ESF1: variants seen among roughly 807,000 people sequenced by gnomAD.
ESF1 encodes the protein ESF1 homolog.
Under a neutral mutation model 92.0 loss-of-function variants are expected in ESF1, and 58 were observed. The observed-to-expected ratio is 0.63, with a 90% confidence interval of 0.51 to 0.78. ESF1 has a LOEUF of 0.78. Among genes scored for constraint, ESF1 ranks in the 30% least tolerant of loss-of-function variants. The probability of loss-of-function intolerance (pLI) is 0.00; values close to 1 mark genes in which losing one functional copy is unlikely to be tolerated. For missense variants in ESF1, 922 were observed against 989.1 expected, an observed-to-expected ratio of 0.93 and a Z score of 0.91; for synonymous variants, 321 against 313.7, an observed-to-expected ratio of 1.02 and a Z score of -0.24.
rs2050012801 is a variant in ESF1, at chr20:13,741,410, T to C, written c.1829-7568A>G. The stretch of plus-strand genomic sequence containing the variant: ...GGCTAGATGTGGTGGTCGTTAATGT[T>C]CTTCATCCAGTTTTCTGAAGTGTGG... On this transcript the variant is annotated intron_variant, in intron 9 of 13. Coordinates refer to ENST00000617257, the MANE Select transcript of ESF1 (RefSeq NM_001276380.2). 2.6e-5 allele frequency among the ~76,000 whole-genome samples: 4 copies of C among 152,178 alleles called. No homozygotes were observed. In the South Asian group the frequency reaches 8.3e-4, roughly 31 times the overall value.
intron 9 of ESF1, among the ~76,000 whole-genome samples, chr20:13,751,277 C>G (rs1049444668): frequency 6.6e-6 from 1 of 152,172 alleles, no homozygotes; most frequent in Non-Finnish European, 1.5e-5. Flanking sequence ...AATAGAATAG[C>G]GAAAGTTTTG....
At chr20:13,759,612 T>C in intron 9 of ESF1, 80 bp downstream of exon 9, 1 of 1,514,696 alleles carries the variant, frequency 6.6e-7, no homozygotes, top group Non-Finnish European at 8.7e-7. Context: ...CACCAAAACA[T>C]TTCCGGCTCC....
intron 4 of ESF1, among the ~76,000 whole-genome samples, chr20:13,774,671 A>G (rs1444370234): frequency 6.6e-6 from 1 of 152,242 alleles, no homozygotes; most frequent in Non-Finnish European, 1.5e-5. Context: ...CAATAATGCA[A>G]AGCCTGGATT....
At chr20:13,777,415 T>C (rs2209993) in intron 2 of ESF1, among the ~76,000 whole-genome samples, 102,609 of 151,838 alleles carry the variant, frequency 0.68, 34,892 homozygotes, top group East Asian at 0.89. Flanking sequence ...AAATCATGAG[T>C]TCAGTTTTGA....
intron 9 of ESF1, among the ~76,000 whole-genome samples, chr20:13,751,154 C>T (rs1259807254): frequency 2.0e-5 from 3 of 152,120 alleles, no homozygotes; most frequent in Non-Finnish European, 2.9e-5. Flanking sequence ...CTGATGAAAG[C>T]AAGTAGTATG....
chr20:13,782,889 T>G lies in ESF1; in HGVS notation c.252A>C (p.Glu84Asp). The change falls in exon 2 of 14, where the codon GAA (glutamate) becomes GAC (aspartate). Residue 84 changes from glutamate to aspartate, a missense_variant. Glu to Asp is a conservative substitution (Grantham distance 45). Coordinates refer to ENST00000617257, the MANE Select transcript of ESF1 (RefSeq NM_001276380.2). The stretch of plus-strand genomic sequence containing the variant: ...TCTTTTGACTCAATGCTTTGCTATC[T>G]TCACCAGAGAGATTGGAATCAGAAT... Reference protein sequence around the residue: ...LSDSDSNLSGEDSKALSQKKI... With the variant: ...LSDSDSNLSGDDSKALSQKKI... The G allele has an allele frequency of 1.2e-6, 2 of 1,614,056 alleles. No individual in the cohort carries two copies. Among genetic ancestry groups the G allele is most frequent in the Non-Finnish European group, 1.7e-6 (2 of 1,180,030 alleles).
intron 9 of ESF1, among the ~76,000 whole-genome samples, chr20:13,756,278 C>A (rs1978890811): frequency 1.3e-5 from 2 of 152,174 alleles, no homozygotes; most frequent in African/African-American, 4.8e-5. Flanking sequence ...TGCATGCGTG[C>A]ATGTACATAA....
chr20:13,743,963 C>A (rs2050031747), intron 9 of ESF1, among the ~76,000 whole-genome samples: 1 of 152,120 alleles, frequency 6.6e-6, no homozygotes, highest in Non-Finnish European at 1.5e-5. Flanking sequence ...ATACTGAAAT[C>A]TGGATAATGG....
Position 13,775,142 on chromosome 20 carries a change from G to T in ESF1, c.1149+15C>A. On this transcript the variant is annotated intron_variant, in intron 4 of 13. Coordinates refer to ENST00000617257, the MANE Select transcript of ESF1 (RefSeq NM_001276380.2). ...TGCCTAGAAATATTTATTTCAAAAT[G>T]AAATCAATTCTCACCTTGACGGAAA... is the stretch of plus-strand genomic sequence containing the variant. 3.8e-5 allele frequency: 51 copies of T among 1,349,858 alleles called. No individual in the cohort carries two copies. Among genetic ancestry groups the T allele is most frequent in the Middle Eastern group, 1.9e-4 (1 of 5,142 alleles). 83.6% of individuals were successfully genotyped at this position (1,349,858 alleles called of 1,614,324 possible).
rs1038789047 is a variant in ESF1, at chr20:13,766,833, T to A, written c.1610A>T (p.Gln537Leu). Residue 537 changes from glutamine (Q) to leucine (L), a missense_variant, in exon 8 of 14, where the codon CAA becomes CTA. Transcript: ENST00000617257. The stretch of plus-strand genomic sequence containing the variant: ...TTCACTAGAGGAAGCTAAGTAGGCT[T>A]GAAAATCCATGTCCAAAAGCTCTTC... Reference protein sequence around the residue: ...KKEELLDMDFQAYLASSSEDE... With the variant: ...KKEELLDMDFLAYLASSSEDE... 6.2e-7 allele frequency: 1 copy of A among 1,613,778 alleles called. No homozygotes were observed. The highest frequency in any genetic ancestry group is 8.5e-7 in the Non-Finnish European group (1 of 1,179,930).
At chr20:13,773,643 C>T (rs540154320) in intron 4 of ESF1, among the ~76,000 whole-genome samples, 3 of 152,126 alleles carry the variant, frequency 2.0e-5, no homozygotes, top group Admixed American at 2.0e-4. Flanking sequence ...TCTGTTCTAC[C>T]AATTTGTCCC....
intron 9 of ESF1, among the ~76,000 whole-genome samples, chr20:13,758,332 C>T (rs573522146): frequency 3.3e-5 from 5 of 152,282 alleles, no homozygotes; most frequent in African/African-American, 1.2e-4. Flanking sequence ...AACCACTTGT[C>T]ATATGATACA....
chr20:13,767,883 C>A, intron 7 of ESF1, among the ~76,000 whole-genome samples: 1 of 152,098 alleles, frequency 6.6e-6, no homozygotes, highest in East Asian at 1.9e-4. Flanking sequence ...AAATCACTGC[C>A]ACCTGTCTCA....
intron 4 of ESF1, 27 bp from the exon 5 acceptor site, chr20:13,772,642 T>C: frequency 6.8e-7 from 1 of 1,480,686 alleles, no homozygotes; most frequent in Non-Finnish European, 9.4e-7. Flanking sequence ...AGGATCAATG[T>C]AATTTGTACA....
chr20:13,741,801 T>C (rs1252250295), intron 9 of ESF1, among the ~76,000 whole-genome samples: 3 of 152,168 alleles, frequency 2.0e-5, no homozygotes, highest in Admixed American at 1.3e-4. Context: ...TCTTGTTCAT[T>C]AGATGACAGA....
intron 3 of ESF1, among the ~76,000 whole-genome samples, chr20:13,775,563 T>A (rs1168619295): frequency 6.6e-6 from 1 of 152,170 alleles, no homozygotes; most frequent in African/African-American, 2.4e-5. Context: ...CATGCATGCA[T>A]GAGTAAGGAA....
intron 5 of ESF1, among the ~76,000 whole-genome samples, chr20:13,772,285 A>G (rs1354502809): frequency 1.3e-5 from 2 of 152,114 alleles, no homozygotes; most frequent in Admixed American, 1.3e-4. Flanking sequence ...AATGTTTTTC[A>G]AAAACTGCAA....
At chr20:13,742,576 T>C (rs528797208) in intron 9 of ESF1, among the ~76,000 whole-genome samples, 2 of 152,274 alleles carry the variant, frequency 1.3e-5, no homozygotes, top group African/African-American at 2.4e-5. Context: ...GGGACATGCA[T>C]AGAAATGTTC....
intron 9 of ESF1, among the ~76,000 whole-genome samples, chr20:13,737,736 C>G (rs1164751880): frequency 6.6e-6 from 1 of 152,182 alleles, no homozygotes; most frequent in Admixed American, 6.5e-5. Flanking sequence ...TCACTGCAAC[C>G]TCCGCCTCCC....
Sources: allele counts gnomAD v4.1 joint callset (sites outside exome capture counted in the v4.1 genomes callset), GRCh38; gene constraint gnomAD v4.1.1; transcripts MANE v1.5; gene names NCBI Gene and HGNC (gene_info 2026-07-23, HGNC 2026-07-21).